The following CDC25C variants were observed in gnomAD, a reference collection of about 807,000 sequenced individuals.
CDC25C encodes cell division cycle 25C.
CDC25C carries 48 observed loss-of-function variants against 52.5 expected under a neutral mutation model. That is an observed-to-expected ratio of 0.91 (90% CI 0.72 to 1.16). The LOEUF is 1.16. CDC25C is among the 50% of genes most tolerant of loss of function. The pLI, the probability that CDC25C is intolerant of heterozygous loss-of-function variation, is 0.00. For missense variants in CDC25C, 510 were observed against 566.1 expected (o/e 0.90, Z 1.01); for synonymous variants, 187 against 206.5 (o/e 0.91, Z 0.81).
intron 7 of CDC25C, among the ~76,000 whole-genome samples, chr5:138,300,076 G>A (rs1050918608): frequency 1.2e-4 from 18 of 152,084 alleles, no homozygotes; most frequent in Admixed American, 3.9e-4. Context: ...GGTGTGCACC[G>A]GTAGTCTTAG....
rs1341857090 is a variant in CDC25C at position 138,302,489 on chromosome 5, C to T, written c.616-10373G>A. 4.6e-5 allele frequency among the ~76,000 whole-genome samples: 7 copies of T among 151,310 alleles called. No homozygotes were observed. The South Asian group carries it at 1.5e-3, about 32-fold the overall frequency. ...CCAAGGCAGGTGGATCACCTAAGGT[C>T]GGGAGTTTGAGACCAGACTAACCAA... On this transcript the variant is annotated intron_variant, in intron 7 of 13. Transcript: ENST00000323760.
Position 138,290,711 on chromosome 5 carries a change from C to G in CDC25C, c.792G>C (p.Leu264=), listed in dbSNP as rs199964874. ...KGLCLKKTVS[L]CDITITQMLE... ...GCATCTGAGTGATAGTAATGTCACA[C>G]AGAGAGACTGTCTTCTTTAAACATA... Residue 264 remains leucine, a synonymous_variant, in exon 9 of 14, where the codon CTG becomes CTC. Transcript: ENST00000323760. 2.2e-5 allele frequency: 35 copies of G among 1,609,790 alleles called. No homozygotes were observed. In the East Asian group the frequency reaches 4.9e-4, roughly 23 times the overall value.
At chr5:138,331,482 T>C (rs1580831208) in intron 1 of CDC25C, 113 bp downstream of exon 1, 2 of 820,144 alleles carry the variant, frequency 2.4e-6, no homozygotes, top group Non-Finnish European at 3.3e-6. Flanking sequence ...GTCTCGTAAC[T>C]CGCGATAGTC....
intron 7 of CDC25C, among the ~76,000 whole-genome samples, chr5:138,306,315 C>T (rs989467244): frequency 2.0e-5 from 3 of 152,032 alleles, no homozygotes; most frequent in Non-Finnish European, 4.4e-5. Context: ...CTGTTTTGTT[C>T]ACCATCGTAT....
chr5:138,320,259 C>T lies in CDC25C; in HGVS notation c.460-885G>A, dbSNP rs569658594. 2.0e-5 allele frequency among the ~76,000 whole-genome samples: 3 copies of T among 151,990 alleles called. No homozygotes were observed. In the South Asian group the frequency reaches 6.2e-4, roughly 32 times the overall value. On this transcript the variant is annotated intron_variant, in intron 6 of 13. Coordinates refer to ENST00000323760, the MANE Select transcript of CDC25C (RefSeq NM_001790.5). ...GGTGGAAGTTGCAGTGAGCTGTGATCGTTCCACTGCACTCCAGCCTGGGTG... is the reference window on the plus strand; with the variant it reads ...GGTGGAAGTTGCAGTGAGCTGTGATTGTTCCACTGCACTCCAGCCTGGGTG...
At chr5:138,337,391 T>C (rs1460380366) in intron 1 of CDC25C, 1 of 153,314 alleles carries the variant, frequency 6.5e-6, no homozygotes, top group East Asian at 1.9e-4. Context: ...TCAACATCTT[T>C]TCCCCATCTG....
chr5:138,316,468 G>A (rs1369476506), intron 7 of CDC25C, among the ~76,000 whole-genome samples: 1 of 152,180 alleles, frequency 6.6e-6, no homozygotes, highest in African/African-American at 2.4e-5. Context: ...ACTGCTGAGA[G>A]AGACAGACAG....
intron 2 of CDC25C, 44 bp downstream of exon 2, chr5:138,330,943 G>T: frequency 7.3e-7 from 1 of 1,365,080 alleles, no homozygotes; most frequent in South Asian, 1.2e-5. Context: ...CAACTGTTTG[G>T]AAATAGCAAA....
intron 3 of CDC25C, among the ~76,000 whole-genome samples, chr5:138,329,309 G>A (rs1760145209): frequency 6.6e-6 from 1 of 152,140 alleles, no homozygotes; most frequent in Non-Finnish European, 1.5e-5. Flanking sequence ...CCATTAATCA[G>A]TCAACAAAAT....
Position 138,285,380 on chromosome 5 carries a change from G to A in CDC25C, c.*312C>T, listed in dbSNP as rs944083602. On this transcript the variant is annotated 3_prime_UTR_variant, in exon 14 of 14. Transcript: ENST00000323760. ...ACGCTCTTGCATAGCCCGAAGCCCA[G>A]AGAGAAAGAGTTGGCTGGCTTGTGA... The A allele has an allele frequency of 3.4e-6, 1 of 291,826 alleles. No homozygotes were observed. The highest frequency in any genetic ancestry group is 4.8e-5 in the Admixed American group (1 of 20,976). The allele number at this position is 291,826 out of a possible 1,614,324, so 18.1% of individuals were successfully genotyped here.
Position 138,310,038 on chromosome 5 carries a change from T to G in CDC25C, c.615+9181A>C, listed in dbSNP as rs1020248852. ...TCAAAACTTTCTAAACCAGCCACTT[T>G]CTACCTTCTCAGCAACTTTCAATCA... On this transcript the variant is annotated intron_variant, in intron 7 of 13. Transcript: ENST00000323760. 3.9e-5 allele frequency among the ~76,000 whole-genome samples: 6 copies of G among 152,170 alleles called. No homozygotes were observed. In the East Asian group the frequency reaches 1.2e-3, roughly 29 times the overall value.
In CDC25C at chr5:138,285,796, G is replaced by A. The variant is rs1366301128; in HGVS notation, c.1318C>T (p.His440Tyr). The change falls in exon 14 of 14, where the codon CAC becomes TAC. Residue 440 changes from histidine (H) to tyrosine (Y), a missense_variant. Physicochemically the swap from His to Tyr is moderately conservative, Grantham distance 83. Transcript: ENST00000323760. ...CGACACCTCAGCAACTCAGTCTTGT[G>A]GTCCTGATGATGCATAGGGCAGTAG... ...QSYCPMHHQD[H>Y]KTELLRCRSQ... 1 of 1,614,138 alleles carries A rather than the reference G, an allele frequency of 6.2e-7. No homozygotes were observed. Among genetic ancestry groups the A allele is most frequent in the South Asian group, 1.1e-5 (1 of 91,086 alleles).
At chr5:138,302,510 A>G (rs1338992079) in intron 7 of CDC25C, among the ~76,000 whole-genome samples, 3 of 149,434 alleles carry the variant, frequency 2.0e-5, no homozygotes, top group Admixed American at 2.0e-4. Context: ...GACCAGACTA[A>G]CCAACATAGA....
intron 1 of CDC25C, 83 bp from the exon 2 acceptor site, chr5:138,331,301 A>G (rs1002347538): frequency 2.0e-6 from 2 of 981,844 alleles, no homozygotes; most frequent in Admixed American, 4.3e-5. Flanking sequence ...AGCCAGGCGA[A>G]TCAACACTGG....
At chr5:138,291,060 A>AAAAT (rs1377903748) in intron 8 of CDC25C, among the ~76,000 whole-genome samples, 22 of 152,006 alleles carry the variant, frequency 1.4e-4, no homozygotes, top group African/African-American at 2.7e-4. Flanking sequence ...ATCTCAGGGG[A>AAAAT]AAATAAATAA....
At chr5:138,325,337 G>A (rs772919814) in intron 6 of CDC25C, among the ~76,000 whole-genome samples, 14 of 152,078 alleles carry the variant, frequency 9.2e-5, no homozygotes, top group Non-Finnish European at 2.1e-4. Flanking sequence ...GATTTAACTT[G>A]GAACGACGGA....
chr5:138,326,820 C>T (rs1039092889), intron 4 of CDC25C, among the ~76,000 whole-genome samples: 1 of 151,800 alleles, frequency 6.6e-6, no homozygotes, highest in African/African-American at 2.4e-5. Context: ...GGCATGGTGG[C>T]GCATGCCTGT....
intron 7 of CDC25C, among the ~76,000 whole-genome samples, chr5:138,308,072 G>A (rs1758162818): frequency 6.6e-6 from 1 of 152,100 alleles, no homozygotes; most frequent in African/African-American, 2.4e-5. Context: ...CAGAGCTTAG[G>A]TGTTAATGCT....
At chr5:138,319,851 G>C (rs1489620113) in intron 6 of CDC25C, among the ~76,000 whole-genome samples, 1 of 152,186 alleles carries the variant, frequency 6.6e-6, no homozygotes, top group African/African-American at 2.4e-5. Context: ...TACCCATTAG[G>C]ATAGCCATTA....
Sources: allele counts gnomAD v4.1 joint callset (sites outside exome capture counted in the v4.1 genomes callset), GRCh38; gene constraint gnomAD v4.1.1; transcripts MANE v1.5; gene names NCBI Gene and HGNC (gene_info 2026-07-23, HGNC 2026-07-21).